PDE7B: variants seen among roughly 807,000 people sequenced by gnomAD.
The protein encoded by PDE7B is 3',5'-cyclic-AMP phosphodiesterase 7B.
PDE7B carries 29 observed loss-of-function variants against 56.2 expected under a neutral mutation model. The ratio of observed to expected loss-of-function variants is 0.52; its 90% confidence interval spans 0.38 to 0.70. PDE7B has a LOEUF of 0.70. PDE7B is among the 30% of genes least tolerant of loss of function. The pLI, the probability that PDE7B is intolerant of heterozygous loss-of-function variation, is 0.00. For missense variants in PDE7B, 490 were observed against 565.0 expected, an observed-to-expected ratio of 0.87 and a Z score of 1.35; for synonymous variants, 197 against 196.9, an observed-to-expected ratio of 1.00 and a Z score of 0.00.
At chr6:135,913,057 A>G (rs956518176) in intron 1 of PDE7B, among the ~76,000 whole-genome samples, 1 of 152,322 alleles carries the variant, frequency 6.6e-6, no homozygotes, top group East Asian at 1.9e-4. Flanking sequence ...TTCTCTTTGC[A>G]TTGATAATAA....
chr6:135,874,142 T>C (rs1775444293), intron 1 of PDE7B, among the ~76,000 whole-genome samples: 1 of 151,808 alleles, frequency 6.6e-6, no homozygotes, highest in Non-Finnish European at 1.5e-5. Flanking sequence ...ATTGAGGGAG[T>C]AAACCATGCA....
chr6:135,875,914 T>A (rs534566827), intron 1 of PDE7B, among the ~76,000 whole-genome samples: 180 of 152,270 alleles, frequency 1.2e-3, no homozygotes, highest in African/African-American at 3.9e-3. Context: ...TTATTTCTGG[T>A]TGCTTTTAAG....
At chr6:136,150,537 G>A (rs188995113) in intron 5 of PDE7B, among the ~76,000 whole-genome samples, 3 of 152,216 alleles carry the variant, frequency 2.0e-5, no homozygotes, top group Admixed American at 2.0e-4. Flanking sequence ...ATTTATTTCT[G>A]GGTTCTCTAT....
At chr6:135,973,925 G>GC (rs1460857030) in intron 2 of PDE7B, among the ~76,000 whole-genome samples, 1 of 152,116 alleles carries the variant, frequency 6.6e-6, no homozygotes, top group Non-Finnish European at 1.5e-5. Context: ...TGCTATTCAT[G>GC]CCCCCACTCA....
Position 136,111,317 on chromosome 6 carries a change from G to A in PDE7B, c.166+2503G>A, listed in dbSNP as rs1345209477. 5.9e-5 allele frequency among the ~76,000 whole-genome samples: 9 copies of A among 152,010 alleles called. No individual in the cohort carries two copies. The East Asian group carries it at 1.5e-3, about 26-fold the overall frequency. ...ATAGTTAACTGACCAATTATTAAAG[G>A]GTCTCCTCGAAAACATTATATTAAA... On this transcript the variant is annotated intron_variant, in intron 3 of 12. Coordinates refer to ENST00000308191, the MANE Select transcript of PDE7B (RefSeq NM_018945.4).
intron 2 of PDE7B, among the ~76,000 whole-genome samples, chr6:135,970,993 C>T (rs1210846062): frequency 6.6e-6 from 1 of 152,060 alleles, no homozygotes; most frequent in African/African-American, 2.4e-5. Context: ...TAGTGGATGG[C>T]ATGGCAGCAG....
chr6:136,108,360 T>C (rs1483168872), intron 2 of PDE7B, among the ~76,000 whole-genome samples: 1 of 152,112 alleles, frequency 6.6e-6, no homozygotes, highest in Non-Finnish European at 1.5e-5. Context: ...ATAGTCTGGG[T>C]GATTAACACT....
At chr6:135,937,181 C>A (rs1013950925) in intron 1 of PDE7B, among the ~76,000 whole-genome samples, 1 of 152,228 alleles carries the variant, frequency 6.6e-6, no homozygotes, top group African/African-American at 2.4e-5. Flanking sequence ...GGTCAGCAAA[C>A]GTGGCTGCTG....
rs138218016 is a variant in PDE7B, at chr6:136,186,603, C to G, written c.1046-433C>G. 9.3e-4 allele frequency among the ~76,000 whole-genome samples: 141 copies of G among 152,306 alleles called. 3 individuals are homozygous for G. In the South Asian group the frequency reaches 9.7e-3, roughly 11 times the overall value. On this transcript the variant is annotated intron_variant, in intron 11 of 12. Transcript: ENST00000308191. ...TTCTACCTCATTTCCTACCTACTTACTGTTCCTGGTTGTCCTCAGGTGAAA... is the reference window on the plus strand; with the variant it reads ...TTCTACCTCATTTCCTACCTACTTAGTGTTCCTGGTTGTCCTCAGGTGAAA...
rs144954815 is a variant in PDE7B at position 135,924,278 on chromosome 6, T to G, written c.22-23186T>G. Among the ~76,000 whole-genome samples, 6 of 152,328 alleles carry G rather than the reference T, an allele frequency of 3.9e-5. No individual in the cohort carries two copies. In the East Asian group the frequency reaches 1.2e-3, roughly 29 times the overall value. ...AAAAAATTGGAAACAATTTAATTGT[T>G]CTGATGTAGAGAAATAGATATAGTC... On this transcript the variant is annotated intron_variant, in intron 1 of 12. Transcript: ENST00000308191.
At chr6:135,894,626 C>T (rs1775865723) in intron 1 of PDE7B, among the ~76,000 whole-genome samples, 1 of 152,158 alleles carries the variant, frequency 6.6e-6, no homozygotes, top group Non-Finnish European at 1.5e-5. Context: ...ATCCAAGGCA[C>T]ACATGCCAAA....
chr6:136,156,162 A>AGTGTGTGTGT (rs10625572), intron 8 of PDE7B: 35,425 of 251,384 alleles, frequency 0.14, 3,210 homozygotes, highest in Admixed American at 0.17. Context: ...GAATGATCCA[A>AGTGTGTGTGT]GTGTGTGTGT....
At chr6:136,106,441 G>A (rs1777646257) in intron 2 of PDE7B, among the ~76,000 whole-genome samples, 1 of 152,108 alleles carries the variant, frequency 6.6e-6, no homozygotes, top group Non-Finnish European at 1.5e-5. Flanking sequence ...TGTAGAAAGA[G>A]CTCTTCCTAT....
chr6:136,185,222 G>A (rs7746842), intron 11 of PDE7B, among the ~76,000 whole-genome samples: 11,438 of 152,140 alleles, frequency 0.075, 1,429 homozygotes, highest in African/African-American at 0.26. Flanking sequence ...AGGCACAAGA[G>A]ACCCCAGGAG....
chr6:135,900,001 G>A (rs1346833957), intron 1 of PDE7B, among the ~76,000 whole-genome samples: 1 of 152,012 alleles, frequency 6.6e-6, no homozygotes, highest in Non-Finnish European at 1.5e-5. Context: ...TCAAATTCTA[G>A]TTATTTCTCT....
In PDE7B at chr6:135,958,191, C is replaced by T. The variant is rs183448001; in HGVS notation, c.82+10667C>T. Reference sequence around the variant, plus strand: ...AGGTTGCAGTGAGCCTAGATCGCGCCACTGCACTCCAGCCTGGGTGACAGA... The same window carrying T: ...AGGTTGCAGTGAGCCTAGATCGCGCTACTGCACTCCAGCCTGGGTGACAGA... On this transcript the variant is annotated intron_variant, in intron 2 of 12. Transcript: ENST00000308191. Among the ~76,000 whole-genome samples the T allele has an allele frequency of 1.1e-3, 168 of 152,250 alleles. 2 individuals are homozygous for T. The Middle Eastern group carries it at 0.024, about 22-fold the overall frequency.
intron 2 of PDE7B, among the ~76,000 whole-genome samples, chr6:136,011,114 T>A (rs935521521): frequency 6.6e-6 from 1 of 152,146 alleles, no homozygotes; most frequent in Non-Finnish European, 1.5e-5. Context: ...AAAAAGAGAT[T>A]CTTAATAATG....
At chr6:135,937,882 G>C (rs1259298176) in intron 1 of PDE7B, among the ~76,000 whole-genome samples, 2 of 152,154 alleles carry the variant, frequency 1.3e-5, no homozygotes, top group African/African-American at 4.8e-5. Flanking sequence ...ACTGTGCTTT[G>C]TATCTTGTAC....
At chr6:136,074,996 G>A (rs1418417243) in intron 2 of PDE7B, among the ~76,000 whole-genome samples, 2 of 152,124 alleles carry the variant, frequency 1.3e-5, no homozygotes, top group African/African-American at 2.4e-5. Flanking sequence ...AGGGAATCTG[G>A]ATTTCTTTTC....
Sources: allele counts gnomAD v4.1 joint callset (sites outside exome capture counted in the v4.1 genomes callset), GRCh38; gene constraint gnomAD v4.1.1; transcripts MANE v1.5; gene names NCBI Gene and HGNC (gene_info 2026-07-23, HGNC 2026-07-21).